Variants in PPARGC1A observed in about 807,000 individuals in gnomAD.
PPARGC1A encodes peroxisome proliferator-activated receptor gamma coactivator 1-alpha.
In PPARGC1A, 25 loss-of-function variants were observed where a neutral mutation model predicts 88.7. The ratio of observed to expected loss-of-function variants is 0.28; its 90% confidence interval spans 0.21 to 0.39. PPARGC1A has a LOEUF of 0.39. PPARGC1A is among the 10% of genes least tolerant of loss of function. PPARGC1A has a pLI of 1.00. For missense variants in PPARGC1A, 880 were observed against 968.7 expected (o/e 0.91, Z 1.22); for synonymous variants, 363 against 355.6 (o/e 1.02, Z -0.24).
At chr4:23,931,942 G>C in the PPARGC1A span, among the ~76,000 whole-genome samples, 1 of 152,128 alleles carries the variant, frequency 6.6e-6, no homozygotes, top group Non-Finnish European at 1.5e-5. Flanking sequence ...TGTACAAAAT[G>C]GGGATAATGA....
the PPARGC1A span, among the ~76,000 whole-genome samples, chr4:24,323,315 G>A: frequency 2.0e-5 from 3 of 152,170 alleles, no homozygotes; most frequent in South Asian, 2.1e-4. Context: ...CCAAGCCATC[G>A]CATCCCCTGT....
the PPARGC1A span, among the ~76,000 whole-genome samples, chr4:24,171,949 C>T: frequency 6.6e-6 from 1 of 152,152 alleles, no homozygotes; most frequent in Non-Finnish European, 1.5e-5. Flanking sequence ...ATCTCTGTCC[C>T]CCTCTTTTCT....
At chr4:24,039,564 G>C in the PPARGC1A span, among the ~76,000 whole-genome samples, 1 of 152,060 alleles carries the variant, frequency 6.6e-6, no homozygotes, top group South Asian at 2.1e-4. Context: ...GCAAAGGGAG[G>C]TCTCAAAAAG....
chr4:24,230,166 G>GCTCCAATTTGATCATCCTTAGTCATTT, the PPARGC1A span, among the ~76,000 whole-genome samples: 2 of 152,126 alleles, frequency 1.3e-5, no homozygotes, highest in Admixed American at 1.3e-4. Context: ...TTAGCAACTC[G>GCTCCAATTTGATCATCCTTAGTCATTT]CTCCAATTTG....
the PPARGC1A span, among the ~76,000 whole-genome samples, chr4:24,286,089 T>C: frequency 1.3e-5 from 2 of 150,648 alleles, no homozygotes; most frequent in African/African-American, 4.9e-5. Context: ...TTTCCCTCTC[T>C]CCCTCTTTTA....
At chr4:23,933,357 T>G in the PPARGC1A span, among the ~76,000 whole-genome samples, 1 of 152,192 alleles carries the variant, frequency 6.6e-6, no homozygotes, top group African/African-American at 2.4e-5. Flanking sequence ...AGCAAATATA[T>G]CTGATGCCTG....
At chr4:24,224,780 G>A in the PPARGC1A span, among the ~76,000 whole-genome samples, 1 of 152,312 alleles carries the variant, frequency 6.6e-6, no homozygotes, top group East Asian at 1.9e-4. Context: ...AAGTGCAAGA[G>A]TTCAGGGAGA....
chr4:23,932,700 G>A, the PPARGC1A span, among the ~76,000 whole-genome samples: 1 of 151,946 alleles, frequency 6.6e-6, no homozygotes, highest in Non-Finnish European at 1.5e-5. Context: ...ACATCTTATT[G>A]GAGATAAATC....
the PPARGC1A span, among the ~76,000 whole-genome samples, chr4:24,167,794 C>T: frequency 2.0e-5 from 3 of 152,144 alleles, no homozygotes; most frequent in Non-Finnish European, 4.4e-5. Flanking sequence ...CACTCTGTCA[C>T]CCAGGCTGGA....
chr4:24,043,330 A>C, the PPARGC1A span, among the ~76,000 whole-genome samples: 1 of 152,148 alleles, frequency 6.6e-6, no homozygotes, highest in Non-Finnish European at 1.5e-5. Context: ...AACTTGTTCA[A>C]ACTCTTCGAG....
At position 23,844,684 on chromosome 4, in the gene PPARGC1A, CATATA is replaced by C. The variant is rs1337033000; in HGVS notation, c.235-12938_235-12934del. 3.7e-4 allele frequency among the ~76,000 whole-genome samples: 33 copies of C among 90,246 alleles called. 1 individual carries two copies. Among genetic ancestry groups the C allele is most frequent in the African/African-American group, 1.1e-3 (23 of 20,966 alleles). The allele number at this position is 90,246 out of a possible 152,430, so 59.2% of individuals were successfully genotyped here. On this transcript the variant is annotated intron_variant, in intron 2 of 12. Coordinates refer to ENST00000264867, the MANE Select transcript of PPARGC1A (RefSeq NM_013261.5). ...TATCATATATTATAATAATATATAT[CATATA>C]ATATATGATCTATCATAATATATGA... is the stretch of plus-strand genomic sequence containing the variant.
the PPARGC1A span, among the ~76,000 whole-genome samples, chr4:24,021,611 A>T: frequency 1.3e-5 from 2 of 152,156 alleles, no homozygotes; most frequent in Admixed American, 6.5e-5. Flanking sequence ...CTGTTTATTC[A>T]TATTAGAAGA....
chr4:24,141,298 T>C, the PPARGC1A span, among the ~76,000 whole-genome samples: 1 of 152,238 alleles, frequency 6.6e-6, no homozygotes, highest in South Asian at 2.1e-4. Flanking sequence ...GTCCCCTGCC[T>C]ACGCAGAGTT....
At chr4:24,035,811 T>C in the PPARGC1A span, among the ~76,000 whole-genome samples, 5 of 152,208 alleles carry the variant, frequency 3.3e-5, no homozygotes, top group African/African-American at 9.6e-5. Flanking sequence ...CAATCCTTTA[T>C]GTTTTACATG....
the PPARGC1A span, among the ~76,000 whole-genome samples, chr4:23,987,343 A>G: frequency 2.0e-5 from 3 of 152,032 alleles, no homozygotes; most frequent in African/African-American, 2.4e-5. Flanking sequence ...AAACCTTTGC[A>G]TGCATATTGT....
the PPARGC1A span, among the ~76,000 whole-genome samples, chr4:23,989,267 A>ATAATTAATGGTTTCTGTAGCAGT: frequency 6.6e-6 from 1 of 152,002 alleles, no homozygotes; most frequent in Non-Finnish European, 1.5e-5. Flanking sequence ...GGTCACGTCA[A>ATAATTAATGGTTTCTGTAGCAGT]TAATTAATGG....
chr4:23,813,214 G>T, intron 8 of PPARGC1A, 89 bp from the exon 9 acceptor site: 1 of 1,067,528 alleles, frequency 9.4e-7, no homozygotes, highest in Non-Finnish European at 1.4e-6. Flanking sequence ...CTGGGACACT[G>T]TATTACAGAG....
the PPARGC1A span, among the ~76,000 whole-genome samples, chr4:24,267,031 G>C: frequency 8.5e-5 from 13 of 152,072 alleles, no homozygotes; most frequent in African/African-American, 3.1e-4. Flanking sequence ...ACCTGAAACT[G>C]CATTCATCAG....
chr4:24,264,845 G>A, the PPARGC1A span, among the ~76,000 whole-genome samples: 1,919 of 152,266 alleles, frequency 0.013, 47 homozygotes, highest in East Asian at 0.12. Context: ...TGGCCAAATG[G>A]ATCTGGGGAA....
Sources: allele counts gnomAD v4.1 joint callset (sites outside exome capture counted in the v4.1 genomes callset), GRCh38; gene constraint gnomAD v4.1.1; transcripts MANE v1.5; gene names NCBI Gene and HGNC (gene_info 2026-07-23, HGNC 2026-07-21).